The following SPOCK1 variants were observed in gnomAD, a reference collection of about 807,000 sequenced individuals.
SPOCK1 encodes SPARC (osteonectin), cwcv and kazal like domains proteoglycan 1.
In SPOCK1, 23 loss-of-function variants were observed where a neutral mutation model predicts 55.3. The ratio of observed to expected loss-of-function variants is 0.42; its 90% CI spans 0.30 to 0.59. SPOCK1 has a LOEUF of 0.59. SPOCK1 is among the 20% of genes least tolerant of loss of function. The probability of loss-of-function intolerance (pLI) is 0.22; values close to 1 mark genes in which losing one functional copy is unlikely to be tolerated. For missense variants in SPOCK1, 499 were observed against 552.5 expected, an observed-to-expected ratio of 0.90 and a Z score of 0.97; for synonymous variants, 226 against 221.0, an observed-to-expected ratio of 1.02 and a Z score of -0.20.
intron 4 of SPOCK1, among the ~76,000 whole-genome samples, chr5:137,115,861 G>A (rs1753567308): frequency 6.6e-6 from 1 of 152,070 alleles, no homozygotes; most frequent in African/African-American, 2.4e-5. Flanking sequence ...ACAATTCAGT[G>A]CAAATCATAA....
rs142750379 is a variant in SPOCK1 at position 137,417,513 on chromosome 5, T to C, written c.186+80860A>G. Among the ~76,000 whole-genome samples, 575 of 152,242 alleles carry C rather than the reference T, an allele frequency of 3.8e-3. 4 individuals are homozygous for C. The highest frequency in any genetic ancestry group is 4.4e-3 in the Non-Finnish European group (302 of 68,004). On this transcript the variant is annotated intron_variant, in intron 2 of 10. Transcript: ENST00000394945. Reference sequence around the variant, plus strand: ...TCCATTACCCCAAACAGTCCCATCATGCTCCTTTGAGTCAGCCTTTCTCTC... The same window carrying C: ...TCCATTACCCCAAACAGTCCCATCACGCTCCTTTGAGTCAGCCTTTCTCTC...
At position 136,975,334 on chromosome 5, in the gene SPOCK1, A is replaced by G. The variant is rs1750593594; in HGVS notation, c.*3320T>C. 1 of 152,676 alleles carries G rather than the reference A, an allele frequency of 6.5e-6. No homozygotes were observed. The highest frequency in any genetic ancestry group is 6.5e-5 in the Admixed American group (1 of 15,290). 9.5% of individuals were successfully genotyped at this position (152,676 alleles called of 1,614,324 possible). ...GTAAAATTTATTGAGACAGACAGAA[A>G]TGCACCTACTCAGGACTACAGTTAA... On this transcript the variant is annotated 3_prime_UTR_variant, in exon 11 of 11. Coordinates refer to ENST00000394945, the MANE Select transcript of SPOCK1 (RefSeq NM_004598.4).
At chr5:137,160,389 AAT>A (rs558971586) in intron 3 of SPOCK1, among the ~76,000 whole-genome samples, 3,537 of 129,706 alleles carry the variant, frequency 0.027, 167 homozygotes, top group African/African-American at 0.097. Flanking sequence ...TTAAAACATA[AAT>A]ATATATAAAT....
intron 2 of SPOCK1, among the ~76,000 whole-genome samples, chr5:137,454,271 C>A (rs1182715885): frequency 2.0e-5 from 3 of 152,086 alleles, no homozygotes; most frequent in Admixed American, 6.6e-5. Context: ...CTTAAGAGGA[C>A]AGCCACCCCT....
At chr5:137,056,942 G>A (rs540901654) in intron 6 of SPOCK1, among the ~76,000 whole-genome samples, 13 of 152,124 alleles carry the variant, frequency 8.5e-5, no homozygotes, top group Middle Eastern at 6.8e-3. Flanking sequence ...TAAAATTTAC[G>A]CAAGTATGAA....
intron 5 of SPOCK1, among the ~76,000 whole-genome samples, chr5:137,073,437 A>AAGAT (rs527830177): frequency 8.9e-4 from 135 of 152,330 alleles, no homozygotes; most frequent in South Asian, 3.9e-3. Context: ...CCCAGGGTAG[A>AAGAT]AGATTTTGAC....
intron 2 of SPOCK1, among the ~76,000 whole-genome samples, chr5:137,367,663 C>G (rs1751104096): frequency 1.3e-5 from 2 of 152,210 alleles, no homozygotes; most frequent in African/African-American, 4.8e-5. Flanking sequence ...TTTGCCCACA[C>G]TCTTTAATGC....
intron 2 of SPOCK1, among the ~76,000 whole-genome samples, chr5:137,360,111 C>T (rs146041382): frequency 2.4e-4 from 37 of 152,358 alleles, no homozygotes; most frequent in African/African-American, 7.2e-4. Flanking sequence ...CCCAGGTCAG[C>T]TGTCAAACAT....
At chr5:137,177,251 C>T (rs753337011) in intron 3 of SPOCK1, among the ~76,000 whole-genome samples, 9 of 152,172 alleles carry the variant, frequency 5.9e-5, no homozygotes, top group Non-Finnish European at 1.2e-4. Flanking sequence ...TTAAAGACAA[C>T]ATTTGCTTTC....
intron 2 of SPOCK1, among the ~76,000 whole-genome samples, chr5:137,295,683 C>CAAG (rs1322610653): frequency 1.5e-4 from 22 of 151,170 alleles, no homozygotes; most frequent in African/African-American, 5.4e-4. Flanking sequence ...GGTACACTCA[C>CAAG]TTCACTGACC....
At chr5:137,062,559 A>AAT (rs1245800811) in intron 6 of SPOCK1, among the ~76,000 whole-genome samples, 4 of 149,750 alleles carry the variant, frequency 2.7e-5, no homozygotes, top group Non-Finnish European at 5.9e-5. Context: ...TAATAATAAT[A>AAT]AAGACAGCAC....
intron 3 of SPOCK1, among the ~76,000 whole-genome samples, chr5:137,195,124 A>G (rs1755273040): frequency 6.6e-6 from 1 of 152,236 alleles, no homozygotes; most frequent in Non-Finnish European, 1.5e-5. Flanking sequence ...TTCTCACTCT[A>G]ACAATGTAAA....
chr5:137,045,408 T>C (rs1365036665), intron 6 of SPOCK1, among the ~76,000 whole-genome samples: 1 of 40,708 alleles, frequency 2.5e-5, no homozygotes, highest in Non-Finnish European at 5.1e-5. Context: ...TGATGAGCAT[T>C]TTTTCATGTG....
chr5:137,481,024 C>T (rs1039184379), intron 2 of SPOCK1, among the ~76,000 whole-genome samples: 2 of 152,206 alleles, frequency 1.3e-5, no homozygotes, highest in African/African-American at 2.4e-5. Flanking sequence ...ATTCCTTTGG[C>T]TGGTGGATGT....
At chr5:137,040,706 T>C (rs1169286766) in intron 6 of SPOCK1, among the ~76,000 whole-genome samples, 1 of 152,214 alleles carries the variant, frequency 6.6e-6, no homozygotes, top group African/African-American at 2.4e-5. Flanking sequence ...TTTTTTGTTG[T>C]TGTTGTTAAA....
intron 6 of SPOCK1, among the ~76,000 whole-genome samples, chr5:137,005,231 T>C (rs1751224310): frequency 6.6e-6 from 1 of 152,136 alleles, no homozygotes. Flanking sequence ...GGAGTGTGAA[T>C]CTATAAAGAT....
At chr5:137,108,933 G>A (rs1277660688) in intron 5 of SPOCK1, among the ~76,000 whole-genome samples, 1 of 152,188 alleles carries the variant, frequency 6.6e-6, no homozygotes, top group Non-Finnish European at 1.5e-5. Context: ...ACTACCAAGA[G>A]GCTTTGACCA....
At chr5:137,494,567 A>C (rs750983258) in intron 2 of SPOCK1, among the ~76,000 whole-genome samples, 1 of 152,192 alleles carries the variant, frequency 6.6e-6, no homozygotes, top group Non-Finnish European at 1.5e-5. Context: ...ATGCTCCATA[A>C]ATGTTAGCTA....
chr5:137,160,039 T>C (rs1754495754), intron 3 of SPOCK1, among the ~76,000 whole-genome samples: 1 of 152,020 alleles, frequency 6.6e-6, no homozygotes, highest in African/African-American at 2.4e-5. Context: ...AGTGGGGATT[T>C]GTGAGATTTT....
Sources: allele counts gnomAD v4.1 joint callset (sites outside exome capture counted in the v4.1 genomes callset), GRCh38; gene constraint gnomAD v4.1.1; transcripts MANE v1.5; gene names NCBI Gene and HGNC (gene_info 2026-07-23, HGNC 2026-07-21).